The following RNFT2 variants were observed in gnomAD, a reference collection of about 807,000 sequenced individuals.
The protein encoded by RNFT2 is ring finger protein, transmembrane 2, also known as E3 ubiquitin-protein ligase RNFT2.
A neutral mutation model predicts 53.0 loss-of-function variants in RNFT2; 36 were observed. The ratio of observed to expected loss-of-function variants is 0.68; its 90% CI spans 0.52 to 0.90. The LOEUF is 0.90. RNFT2 is among the 40% of genes least tolerant of loss of function. The pLI is 0.00. For missense variants in RNFT2, 514 were observed against 585.6 expected, an observed-to-expected ratio of 0.88 and a Z score of 1.26; for synonymous variants, 260 against 253.2, an observed-to-expected ratio of 1.03 and a Z score of -0.26.
At chr12:116,778,341 G>A (rs1873530718) in intron 6 of RNFT2, among the ~76,000 whole-genome samples, 1 of 152,194 alleles carries the variant, frequency 6.6e-6, no homozygotes, top group Non-Finnish European at 1.5e-5. Flanking sequence ...TCTCATGACA[G>A]TGAGTTCTTG....
intron 7 of RNFT2, among the ~76,000 whole-genome samples, chr12:116,819,309 G>A (rs923693499): frequency 1.3e-5 from 2 of 152,232 alleles, no homozygotes; most frequent in African/African-American, 4.8e-5. Flanking sequence ...CTTTGTCCGC[G>A]AAGGGCTAAG....
intron 7 of RNFT2, among the ~76,000 whole-genome samples, chr12:116,784,567 T>G (rs1873849588): frequency 6.6e-6 from 1 of 152,134 alleles, no homozygotes; most frequent in Non-Finnish European, 1.5e-5. Context: ...GTAGACCCAT[T>G]TTCAAGAAGG....
chr12:116,754,298 T>C (rs1431155198), intron 5 of RNFT2, among the ~76,000 whole-genome samples: 2 of 152,192 alleles, frequency 1.3e-5, no homozygotes, highest in African/African-American at 4.8e-5. Flanking sequence ...TGCTGTTAAT[T>C]CATTCCTTTT....
intron 5 of RNFT2, among the ~76,000 whole-genome samples, chr12:116,754,829 G>A (rs1176006392): frequency 2.0e-5 from 3 of 152,100 alleles, no homozygotes; most frequent in Admixed American, 2.0e-4. Flanking sequence ...TTTTTGATGG[G>A]ATTGTTTGTT....
chr12:116,771,038 C>T (rs1049142562), intron 6 of RNFT2, among the ~76,000 whole-genome samples: 3 of 152,100 alleles, frequency 2.0e-5, no homozygotes, highest in African/African-American at 7.2e-5. Context: ...CATCTGTGCT[C>T]CAACAAAGTT....
At chr12:116,840,289 T>C (rs1877186613) in intron 10 of RNFT2, among the ~76,000 whole-genome samples, 1 of 152,144 alleles carries the variant, frequency 6.6e-6, no homozygotes. Context: ...GGGCGGGAAG[T>C]AGTTACCCTA....
intron 1 of RNFT2, among the ~76,000 whole-genome samples, chr12:116,739,801 G>C (rs533245859): frequency 1.3e-5 from 2 of 152,246 alleles, no homozygotes; most frequent in African/African-American, 2.4e-5. Context: ...GACAGAGCTC[G>C]GGTTTGATTC....
chr12:116,852,802 C>A lies in RNFT2; in HGVS notation c.*3354C>A. 7.8e-7 allele frequency: 1 copy of A among 1,288,732 alleles called. No individual in the cohort carries two copies. Among genetic ancestry groups the A allele is most frequent in the Non-Finnish European group, 1.1e-6 (1 of 887,344 alleles). 79.8% of individuals were successfully genotyped at this position (1,288,732 alleles called of 1,614,324 possible). A position where few individuals can be genotyped will look rare whatever the true frequency, so the allele number is the denominator to read the frequency against. ...GGAAGTCACTCAGCCTCCCTGTAGC[C>A]ATCTCCAGGGTGACGGAACCCAGTG... On this transcript the variant is annotated 3_prime_UTR_variant, in exon 11 of 11. Transcript: ENST00000257575.
intron 7 of RNFT2, among the ~76,000 whole-genome samples, chr12:116,811,400 G>C (rs1340708402): frequency 1.3e-5 from 2 of 149,732 alleles, no homozygotes; most frequent in Admixed American, 1.3e-4. Flanking sequence ...TTTTGAGACA[G>C]AGTCTCACTC....
chr12:116,808,354 T>G (rs1255602109), intron 7 of RNFT2, among the ~76,000 whole-genome samples: 2 of 152,250 alleles, frequency 1.3e-5, no homozygotes, highest in Non-Finnish European at 2.9e-5. Flanking sequence ...CCTCCCAATG[T>G]GCTGGAATTA....
intron 10 of RNFT2, among the ~76,000 whole-genome samples, chr12:116,843,985 A>T (rs558455756): frequency 1.3e-5 from 2 of 152,216 alleles, no homozygotes; most frequent in Non-Finnish European, 2.9e-5. Flanking sequence ...GGCAGGGCAG[A>T]TGTTGACTAA....
At chr12:116,847,602 A>G (rs1388014567) in intron 10 of RNFT2, among the ~76,000 whole-genome samples, 1 of 150,272 alleles carries the variant, frequency 6.7e-6, no homozygotes, top group Non-Finnish European at 1.5e-5. Flanking sequence ...ATCTCAGCTC[A>G]CCGCAACCTC....
At chr12:116,849,218 G>A in intron 10 of RNFT2, 96 bp from the exon 11 acceptor site, 2 of 1,005,400 alleles carry the variant, frequency 2.0e-6, no homozygotes, top group Admixed American at 2.5e-5. Context: ...GAAGGCAGGG[G>A]TTGTCTGTCT....
At chr12:116,815,784 C>T (rs1875622999) in intron 7 of RNFT2, among the ~76,000 whole-genome samples, 1 of 152,160 alleles carries the variant, frequency 6.6e-6, no homozygotes, top group South Asian at 2.1e-4. Context: ...TTCAGCCTTC[C>T]ATATCCCCTA....
intron 7 of RNFT2, among the ~76,000 whole-genome samples, chr12:116,810,488 G>C (rs1875320185): frequency 6.6e-6 from 1 of 152,162 alleles, no homozygotes; most frequent in South Asian, 2.1e-4. Context: ...AGGTGAGTGA[G>C]TGACTCTCAA....
chr12:116,760,616 G>A (rs1354498576), intron 5 of RNFT2, among the ~76,000 whole-genome samples: 3 of 152,288 alleles, frequency 2.0e-5, no homozygotes, highest in Non-Finnish European at 4.4e-5. Flanking sequence ...AGCTTCCCCC[G>A]TGAGGGTGAG....
At chr12:116,830,111 A>T (rs1208913170) in intron 7 of RNFT2, among the ~76,000 whole-genome samples, 1 of 152,170 alleles carries the variant, frequency 6.6e-6, no homozygotes, top group Non-Finnish European at 1.5e-5. Flanking sequence ...TGCAAAAGTA[A>T]TGCTGCGAGT....
intron 7 of RNFT2, among the ~76,000 whole-genome samples, chr12:116,798,499 C>T (rs1874613519): frequency 6.6e-6 from 1 of 152,292 alleles, no homozygotes; most frequent in Middle Eastern, 3.4e-3. Flanking sequence ...AGGTAGTTTG[C>T]ATCTCTCGCA....
chr12:116,747,835 C>T (rs184663149), intron 3 of RNFT2, among the ~76,000 whole-genome samples: 9 of 152,164 alleles, frequency 5.9e-5, no homozygotes, highest in African/African-American at 2.2e-4. Flanking sequence ...TCGAGCACAT[C>T]GGCTCCGCTT....
Sources: allele counts gnomAD v4.1 joint callset (sites outside exome capture counted in the v4.1 genomes callset), GRCh38; gene constraint gnomAD v4.1.1; transcripts MANE v1.5; gene names NCBI Gene and HGNC (gene_info 2026-07-23, HGNC 2026-07-21).